The following ZNF519 variants were observed in gnomAD, a reference collection of about 807,000 sequenced individuals.
ZNF519 encodes similar to Zinc finger protein 85 (Zinc finger protein HPF4) (HTF1).
A neutral mutation model predicts 7.4 loss-of-function variants in ZNF519; 7 were observed. The observed-to-expected ratio is 0.94, with a 90% CI of 0.54 to 1.77. ZNF519 has a LOEUF of 1.77. Ranked by LOEUF, ZNF519 falls within the 40% of genes most tolerant of loss-of-function variation. The probability of loss-of-function intolerance (pLI) is 0.00; values close to 1 mark genes in which losing one functional copy is unlikely to be tolerated. For missense variants in ZNF519, 586 were observed against 623.1 expected, an observed-to-expected ratio of 0.94 and a Z score of 0.63; for synonymous variants, 179 against 203.3, an observed-to-expected ratio of 0.88 and a Z score of 1.02.
At chr18:14,124,290 A>G (rs1349421917) in intron 2 of ZNF519, 60 bp downstream of exon 2, 10 of 1,508,136 alleles carry the variant, frequency 6.6e-6, no homozygotes, top group Non-Finnish European at 8.9e-6. Flanking sequence ...GACAGTCTAC[A>G]AAGAAAGAAA....
At chr18:14,081,644 G>A (rs1309383121) in intron 3 of ZNF519, among the ~76,000 whole-genome samples, 2 of 152,074 alleles carry the variant, frequency 1.3e-5, no homozygotes, top group African/African-American at 2.4e-5. Flanking sequence ...CCAGCTTTAT[G>A]TGTTATGGTT....
intron 3 of ZNF519, among the ~76,000 whole-genome samples, chr18:14,083,804 A>T (rs1250692635): frequency 1.3e-5 from 2 of 152,154 alleles, no homozygotes; most frequent in Non-Finnish European, 2.9e-5. Context: ...GTTTCCCCTT[A>T]TTAATCTTTG....
intron 2 of ZNF519, among the ~76,000 whole-genome samples, chr18:14,107,468 CTG>C (rs2046199032): frequency 6.6e-6 from 1 of 152,182 alleles, no homozygotes; most frequent in African/African-American, 2.4e-5. Context: ...CATTGGGACT[CTG>C]AGGCTTGCTA....
Position 14,105,701 on chromosome 18 carries a change from A to C in ZNF519, c.839T>G (p.Leu280Arg). Residue 280 changes from leucine to arginine, a missense_variant, in exon 3 of 3, where the codon CTT becomes CGT. By Grantham distance (102) the Leu-to-Arg change is moderately radical (BLOSUM62 -2). Coordinates refer to ENST00000590202, the MANE Select transcript of ZNF519 (RefSeq NM_145287.4). ...RGKAFTRGLHLGHQKIHTGEK... is the reference protein window; with the variant it reads ...RGKAFTRGLHRGHQKIHTGEK... ...TCCAGTATGAATTTTCTGATGTCCA[A>C]GATGTAAGCCCCTGGTAAAAGCTTT... 1.2e-6 allele frequency: 2 copies of C among 1,613,710 alleles called. No individual in the cohort carries two copies. The highest frequency in any genetic ancestry group is 1.7e-6 in the Non-Finnish European group (2 of 1,179,924).
chr18:14,121,830 T>C (rs1361930219), intron 2 of ZNF519: 1 of 152,086 alleles, frequency 6.6e-6, no homozygotes, highest in African/African-American at 2.4e-5. Flanking sequence ...TAAGACAAAA[T>C]TATAAGATAA....
At position 14,100,937 on chromosome 18, in the gene ZNF519, C is replaced by T. The variant is rs2046157168; in HGVS notation, c.*3980G>A. The T allele has an allele frequency of 6.6e-6, 1 of 152,174 alleles. No individual in the cohort carries two copies. 9.4% of individuals were successfully genotyped at this position (152,174 alleles called of 1,614,324 possible). A position where few individuals can be genotyped will look rare whatever the true frequency, so the allele number is the denominator to read the frequency against. Reference sequence around the variant, plus strand: ...ATGAATAACCAATCTATTCCCTCAGCAGTGCTTTCTACAAGGCCAAGTCTG... The same window carrying T: ...ATGAATAACCAATCTATTCCCTCAGTAGTGCTTTCTACAAGGCCAAGTCTG... On this transcript the variant is annotated 3_prime_UTR_variant, in exon 3 of 3. Coordinates refer to ENST00000590202, the MANE Select transcript of ZNF519 (RefSeq NM_145287.4).
intron 2 of ZNF519, among the ~76,000 whole-genome samples, chr18:14,086,368 A>G (rs1567939428): frequency 6.6e-6 from 1 of 152,192 alleles, no homozygotes; most frequent in African/African-American, 2.4e-5. Flanking sequence ...GGGGCCGGAA[A>G]GCTGTAGCCG....
rs781485420 is a variant in ZNF519, at chr18:14,105,323, C to A, written c.1217G>T (p.Cys406Phe). 7 of 1,613,860 alleles carry A rather than the reference C, an allele frequency of 4.3e-6. No homozygotes were observed. The highest frequency in any genetic ancestry group is 5.1e-6 in the Non-Finnish European group (6 of 1,179,972). Residue 406 changes from cysteine (C) to phenylalanine (F), a missense_variant, in exon 3 of 3, where the codon TGT (cysteine) becomes TTT (phenylalanine). Cys to Phe is a radical substitution (Grantham distance 205). Coordinates refer to ENST00000590202, the MANE Select transcript of ZNF519 (RefSeq NM_145287.4). ...RMHTGEKPFK[C>F]KECGKAFNRA... ...GTTAAAAGCTTTGCCACATTCCTTA[C>A]ACTTGAAAGGTTTCTCTCCAGTATG...
In ZNF519 at chr18:14,105,739, A is replaced by G. The variant is rs558634760; in HGVS notation, c.801T>C (p.Tyr267=). 3.8e-5 allele frequency: 62 copies of G among 1,613,896 alleles called. No individual in the cohort carries two copies. The highest frequency in any genetic ancestry group is 2.2e-4 in the East Asian group (10 of 44,868). Residue 267 remains tyrosine (Y), a synonymous_variant, in exon 3 of 3, where the codon TAT becomes TAC. Transcript: ENST00000590202. The part of the protein sequence containing the change: ...IINTGEKSVK[Y]KERGKAFTRG... The stretch of plus-strand genomic sequence containing the variant: ...TGGTAAAAGCTTTGCCACGTTCTTT[A>G]TATTTCACTGATTTTTCTCCAGTGT...
Position 14,104,687 on chromosome 18 carries a change from G to T in ZNF519, c.*230C>A, listed in dbSNP as rs2046178654. 1 of 395,584 alleles carries T rather than the reference G, an allele frequency of 2.5e-6. No individual in the cohort carries two copies. The highest frequency in any genetic ancestry group is 4.4e-6 in the Non-Finnish European group (1 of 225,344). 24.5% of individuals were successfully genotyped at this position (395,584 alleles called of 1,614,324 possible). The stretch of plus-strand genomic sequence containing the variant: ...AAACATACAATTTAATTATCTAATT[G>T]AGTTTGAATTATTTGTTATAATAAA... On this transcript the variant is annotated 3_prime_UTR_variant, in exon 3 of 3. Coordinates refer to ENST00000590202, the MANE Select transcript of ZNF519 (RefSeq NM_145287.4).
At chr18:14,098,815 G>A (rs2046148152), downstream of ZNF519, among the ~76,000 whole-genome samples, 1 of 152,108 alleles carries the variant, frequency 6.6e-6, no homozygotes, top group Non-Finnish European at 1.5e-5. Context: ...TGAGTCCCTC[G>A]TGTTCTATAG....
intron 3 of ZNF519, among the ~76,000 whole-genome samples, chr18:14,084,024 A>C (rs1416317909): frequency 6.6e-6 from 1 of 152,132 alleles, no homozygotes; most frequent in African/African-American, 2.4e-5. Flanking sequence ...GCCTCTTCAC[A>C]GGCCCATTTC....
intron 2 of ZNF519, among the ~76,000 whole-genome samples, chr18:14,113,039 T>C (rs574614915): frequency 4.1e-4 from 63 of 152,350 alleles, no homozygotes; most frequent in African/African-American, 1.5e-3. Context: ...ATCCATGTTG[T>C]TGCCAACAAC....
intron 2 of ZNF519, among the ~76,000 whole-genome samples, chr18:14,115,242 T>C (rs1436917375): frequency 6.6e-6 from 1 of 152,234 alleles, no homozygotes; most frequent in Non-Finnish European, 1.5e-5. Flanking sequence ...TCTATGTTTC[T>C]TCCTCAGGAG....
chr18:14,076,469 G>A (rs1052814097), exon 5 of ZNF519: 2 of 152,050 alleles, frequency 1.3e-5, no homozygotes, highest in South Asian at 4.1e-4. Flanking sequence ...TAATCCAGGG[G>A]ACATAAAACA....
chr18:14,116,450 C>T (rs966562152), intron 2 of ZNF519, among the ~76,000 whole-genome samples: 14 of 152,100 alleles, frequency 9.2e-5, no homozygotes, highest in East Asian at 1.9e-4. Flanking sequence ...AAAAACAGTG[C>T]GGTACTTGCA....
rs1290281993 is a variant in ZNF519, at chr18:14,127,790, T to C, written c.4-3314A>G. On this transcript the variant is annotated intron_variant, in intron 1 of 2. Coordinates refer to ENST00000590202, the MANE Select transcript of ZNF519 (RefSeq NM_145287.4). ...TTGTAAAAATCTACTCTACCTGCTCTAGAAGGGACTGTAGATTCCAAAGAG... is the reference window on the plus strand; with the variant it reads ...TTGTAAAAATCTACTCTACCTGCTCCAGAAGGGACTGTAGATTCCAAAGAG... Among the ~76,000 whole-genome samples the C allele has an allele frequency of 2.0e-5, 3 of 152,090 alleles. No individual in the cohort carries two copies. The South Asian group carries it at 6.2e-4, about 31-fold the overall frequency.
chr18:14,097,249 T>C (rs2046140641), downstream of ZNF519, among the ~76,000 whole-genome samples: 1 of 152,240 alleles, frequency 6.6e-6, no homozygotes, highest in Non-Finnish European at 1.5e-5. Context: ...AAAAAGTTTC[T>C]AGTGATTTGT....
At chr18:14,119,690 A>C (rs1196548413) in intron 2 of ZNF519, among the ~76,000 whole-genome samples, 1 of 152,140 alleles carries the variant, frequency 6.6e-6, no homozygotes, top group East Asian at 1.9e-4. Flanking sequence ...TGCTGGGCTC[A>C]AATGATCCAC....
Sources: allele counts gnomAD v4.1 joint callset (sites outside exome capture counted in the v4.1 genomes callset), GRCh38; gene constraint gnomAD v4.1.1; transcripts MANE v1.5; gene names NCBI Gene and HGNC (gene_info 2026-07-23, HGNC 2026-07-21).